Variants in ANKRD31 observed in about 807,000 individuals in gnomAD.
ANKRD31 encodes the protein ankyrin repeat domain 31, also known as ankyrin repeat domain-containing protein 31.
Under a neutral mutation model 186.0 loss-of-function variants are expected in ANKRD31, and 147 were observed. That is an observed-to-expected ratio of 0.79 (90% CI 0.69 to 0.91). The LOEUF (loss-of-function observed/expected upper bound fraction) is 0.91. Ranked by LOEUF, ANKRD31 falls within the 40% of genes least tolerant of loss-of-function variation. ANKRD31 has a pLI of 0.00. For missense variants in ANKRD31, 1,986 were observed against 2,148.8 expected (o/e 0.92, Z 1.50); for synonymous variants, 673 against 736.4 (o/e 0.91, Z 1.39).
At chr5:75,201,806 G>T (rs1241092651) in intron 5 of ANKRD31, among the ~76,000 whole-genome samples, 2 of 152,094 alleles carry the variant, frequency 1.3e-5, no homozygotes, top group African/African-American at 4.8e-5. Context: ...CAGATCTTAA[G>T]TCTGTTTAAA....
chr5:75,217,992 T>C (rs995335335), intron 3 of ANKRD31, among the ~76,000 whole-genome samples: 2 of 152,038 alleles, frequency 1.3e-5, no homozygotes, highest in African/African-American at 4.8e-5. Flanking sequence ...CTCAAAAGGA[T>C]CTTATTTCTC....
rs1363996894 is a variant in ANKRD31 at position 75,069,050 on chromosome 5, G to A, written c.5648-386C>T. Among the ~76,000 whole-genome samples the A allele has an allele frequency of 3.9e-5, 6 of 152,156 alleles. No individual in the cohort carries two copies. The East Asian group carries it at 5.8e-4, about 15-fold the overall frequency. On this transcript the variant is annotated intron_variant, in intron 25 of 25. Coordinates refer to ENST00000506364, the MANE Select transcript of ANKRD31 (RefSeq NM_001372053.1). Reference sequence around the variant, plus strand: ...ATATAGCAAACAATAAATACTAGACGCTATTATTATTTAGTACTAAAAAGA... The same window carrying A: ...ATATAGCAAACAATAAATACTAGACACTATTATTATTTAGTACTAAAAAGA...
chr5:75,093,974 G>A (rs6860441), intron 22 of ANKRD31, among the ~76,000 whole-genome samples: 76,793 of 152,040 alleles, frequency 0.51, 22,337 homozygotes, highest in African/African-American at 0.81. Flanking sequence ...TACAGTACCA[G>A]TAAAGGTAAT....
chr5:75,118,165 TA>T lies in ANKRD31; in HGVS notation c.4008del (p.Asn1337IlefsTer8). The T allele has an allele frequency of 6.6e-7, 1 of 1,510,218 alleles. No individual in the cohort carries two copies. The highest frequency in any genetic ancestry group is 8.8e-7 in the Non-Finnish European group (1 of 1,138,684). 93.6% of individuals were successfully genotyped at this position (1,510,218 alleles called of 1,614,324 possible). A position where few individuals can be genotyped will look rare whatever the true frequency, so the allele number is the denominator to read the frequency against. ...ACTATAGCATCACTCTCATCTCTAT[TA>T]ACAGTCTCAATAGCACCATAAGATC... ...LLRSYGAIETVNRDESDAIVN... is the reference protein window; with the variant it reads ...LLRSYGAIETXNRDESDAIVN... On this transcript the variant is annotated frameshift_variant, in exon 18 of 26. Coordinates refer to ENST00000506364, the MANE Select transcript of ANKRD31 (RefSeq NM_001372053.1). LOFTEE classifies it high-confidence loss of function.
intron 10 of ANKRD31, among the ~76,000 whole-genome samples, chr5:75,186,760 G>T (rs1451502995): frequency 1.3e-5 from 2 of 152,068 alleles, no homozygotes; most frequent in East Asian, 1.9e-4. Flanking sequence ...CGTAAATGAG[G>T]ACTTATAAAA....
intron 4 of ANKRD31, among the ~76,000 whole-genome samples, chr5:75,209,975 T>G (rs573598501): frequency 1.3e-5 from 2 of 152,334 alleles, no homozygotes; most frequent in South Asian, 4.1e-4. Flanking sequence ...AGCACTATTG[T>G]GCAAATGTAA....
chr5:75,102,105 G>C (rs1364847397), intron 22 of ANKRD31, among the ~76,000 whole-genome samples: 1 of 152,144 alleles, frequency 6.6e-6, no homozygotes, highest in Admixed American at 6.5e-5. Flanking sequence ...TACAGATGGG[G>C]GTTTGGTGTG....
intron 4 of ANKRD31, among the ~76,000 whole-genome samples, chr5:75,210,175 C>T (rs1210129455): frequency 6.6e-6 from 1 of 151,896 alleles, no homozygotes; most frequent in Non-Finnish European, 1.5e-5. Context: ...TGCTTTCTTG[C>T]TTTCTTTCTT....
At chr5:75,186,212 C>CA (rs1388935205) in intron 10 of ANKRD31, among the ~76,000 whole-genome samples, 1 of 151,766 alleles carries the variant, frequency 6.6e-6, no homozygotes, top group Non-Finnish European at 1.5e-5. Flanking sequence ...GGGAGATCCC[C>CA]AAAAAAACTT....
chr5:75,113,552 T>C (rs926097489), intron 19 of ANKRD31, among the ~76,000 whole-genome samples: 4 of 152,216 alleles, frequency 2.6e-5, no homozygotes, highest in African/African-American at 9.6e-5. Flanking sequence ...TATTGCTCCA[T>C]TAATGATGAC....
chr5:75,068,768 C>A (rs917223492), intron 25 of ANKRD31, 104 bp from the exon 26 acceptor site: 1 of 1,192,936 alleles, frequency 8.4e-7, no homozygotes, highest in South Asian at 2.1e-5. Flanking sequence ...TTTGAGAGCA[C>A]ACATAACAGG....
intron 17 of ANKRD31, among the ~76,000 whole-genome samples, chr5:75,124,597 G>A (rs4704175): frequency 0.19 from 28,480 of 151,838 alleles, 3,380 homozygotes; most frequent in African/African-American, 0.34. Flanking sequence ...ACGCACACAC[G>A]TGCATGCACA....
At chr5:75,222,201 G>C in intron 3 of ANKRD31, 48 bp downstream of exon 3, 1 of 1,356,562 alleles carries the variant, frequency 7.4e-7, no homozygotes, top group Non-Finnish European at 9.9e-7. Context: ...CTGAGCGATA[G>C]CATTTCCAAT....
intron 22 of ANKRD31, among the ~76,000 whole-genome samples, chr5:75,101,809 T>C (rs181423639): frequency 2.9e-4 from 44 of 152,328 alleles, no homozygotes; most frequent in African/African-American, 9.6e-4. Flanking sequence ...ACACTGTTTA[T>C]TCTAGTTAGC....
At position 75,138,116 on chromosome 5, in the gene ANKRD31, A is replaced by T. The variant is rs1038826462; in HGVS notation, c.3734-118T>A. 2.5e-5 allele frequency: 21 copies of T among 848,774 alleles called. No individual in the cohort carries two copies. In the African/African-American group the frequency reaches 3.5e-4, roughly 14 times the overall value. 52.6% of individuals were successfully genotyped at this position (848,774 alleles called of 1,614,324 possible). Reference sequence around the variant, plus strand: ...AATATCCATATTGATTCATATGTATATACTAAGTATTGAACAAGAAATAAT... The same window carrying T: ...AATATCCATATTGATTCATATGTATTTACTAAGTATTGAACAAGAAATAAT... On this transcript the variant is annotated intron_variant, in intron 16 of 25. Coordinates refer to ENST00000506364, the MANE Select transcript of ANKRD31 (RefSeq NM_001372053.1).
intron 22 of ANKRD31, among the ~76,000 whole-genome samples, chr5:75,102,791 T>G (rs1489844937): frequency 6.6e-6 from 1 of 152,132 alleles, no homozygotes; most frequent in Non-Finnish European, 1.5e-5. Context: ...AAGCACAGCA[T>G]TAGGGTGGGA....
chr5:75,234,868 G>A (rs1401215736), intron 1 of ANKRD31, among the ~76,000 whole-genome samples: 18 of 151,106 alleles, frequency 1.2e-4, no homozygotes, highest in Non-Finnish European at 1.5e-5. Context: ...GATTCATATG[G>A]AATTTTTTTG....
intron 23 of ANKRD31, among the ~76,000 whole-genome samples, chr5:75,090,771 GGA>G (rs1745864137): frequency 6.6e-6 from 1 of 152,188 alleles, no homozygotes; most frequent in Admixed American, 6.5e-5. Flanking sequence ...AGCAATTCAT[GGA>G]TAAGGACATG....
At chr5:75,102,299 G>A (rs775951889) in intron 22 of ANKRD31, among the ~76,000 whole-genome samples, 12 of 152,154 alleles carry the variant, frequency 7.9e-5, no homozygotes, top group South Asian at 2.1e-4. Context: ...TGGAAGCTTC[G>A]TCTCAGAGGG....
Sources: allele counts gnomAD v4.1 joint callset (sites outside exome capture counted in the v4.1 genomes callset), GRCh38; gene constraint gnomAD v4.1.1; transcripts MANE v1.5; gene names NCBI Gene and HGNC (gene_info 2026-07-23, HGNC 2026-07-21).